Variants in HACD1 observed in about 807,000 individuals in gnomAD.
HACD1 encodes the protein 3-hydroxyacyl-CoA dehydratase 1, also known as very-long-chain (3R)-3-hydroxyacyl-CoA dehydratase 1.
Under a neutral mutation model 32.0 loss-of-function variants are expected in HACD1, and 41 were observed. The observed-to-expected ratio is 1.28, with a 90% CI of 1.00 to 1.66. HACD1 has a LOEUF of 1.66. Among genes scored for constraint, HACD1 ranks in the 40% most tolerant of loss-of-function variants. HACD1 has a pLI of 0.00. For missense variants in HACD1, 396 were observed against 380.1 expected (o/e 1.04, Z -0.35); for synonymous variants, 142 against 139.0 (o/e 1.02, Z -0.15).
chr10:17,590,323 C>G lies in HACD1; in HGVS notation c.*41G>C, dbSNP rs1833912529. On this transcript the variant is annotated 3_prime_UTR_variant, in exon 7 of 7. Coordinates refer to ENST00000361271, the MANE Select transcript of HACD1 (RefSeq NM_014241.4). The stretch of plus-strand genomic sequence containing the variant: ...TTATTAAAACTTGGACTCAGGTAAT[C>G]TTGGTTATTCTGGAAAAAGCACCTT... 4 of 1,401,844 alleles carry G rather than the reference C, an allele frequency of 2.9e-6. No individual in the cohort carries two copies. The East Asian group carries it at 9.5e-5, about 33-fold the overall frequency. The allele number at this position is 1,401,844 out of a possible 1,614,324, so 86.8% of individuals were successfully genotyped here.
At position 17,609,303 on chromosome 10, in the gene HACD1, G is replaced by A. The variant is rs143827697; in HGVS notation, c.258-5256C>T. The stretch of plus-strand genomic sequence containing the variant: ...GTAGTAGCTGAGACTATAGGCGCCC[G>A]CCACCACGCCCGGCTAATTTGTTGT... On this transcript the variant is annotated intron_variant, in intron 1 of 6. Transcript: ENST00000361271. Among the ~76,000 whole-genome samples the A allele has an allele frequency of 1.7e-4, 26 of 151,802 alleles. No individual in the cohort carries two copies. The East Asian group carries it at 4.7e-3, about 27-fold the overall frequency.
At chr10:17,607,363 C>T (rs1293492737) in intron 1 of HACD1, among the ~76,000 whole-genome samples, 1 of 152,204 alleles carries the variant, frequency 6.6e-6, no homozygotes, top group Non-Finnish European at 1.5e-5. Flanking sequence ...CTGGACTGAT[C>T]CTACAGCACT....
At chr10:17,613,071 T>C (rs1285253139) in intron 1 of HACD1, among the ~76,000 whole-genome samples, 6 of 151,854 alleles carry the variant, frequency 4.0e-5, no homozygotes, top group South Asian at 2.1e-4. Context: ...ATTTCTTAAA[T>C]ACTATTCCGT....
chr10:17,607,943 T>G (rs1834171725), intron 1 of HACD1, among the ~76,000 whole-genome samples: 1 of 152,210 alleles, frequency 6.6e-6, no homozygotes, highest in Non-Finnish European at 1.5e-5. Flanking sequence ...TGAACTTCCT[T>G]CATCTATCGG....
chr10:17,617,030 C>G, intron 1 of HACD1, 53 bp downstream of exon 1: 1 of 1,359,510 alleles, frequency 7.4e-7, no homozygotes, highest in Non-Finnish European at 9.4e-7. Context: ...AACCCGGAAC[C>G]TCCGCGGACC....
At chr10:17,607,543 C>T (rs1196033098) in intron 1 of HACD1, among the ~76,000 whole-genome samples, 2 of 152,138 alleles carry the variant, frequency 1.3e-5, no homozygotes, top group Non-Finnish European at 2.9e-5. Flanking sequence ...AATCAGATGT[C>T]CACAAAAGAT....
At chr10:17,599,448 T>C (rs1554816310) in intron 4 of HACD1, 37 bp from the exon 5 acceptor site, 1 of 1,586,192 alleles carries the variant, frequency 6.3e-7, no homozygotes, top group Non-Finnish European at 8.6e-7. Context: ...TCATTCAACC[T>C]AGAACTTACT....
chr10:17,597,320 T>G (rs1834007211), intron 5 of HACD1, among the ~76,000 whole-genome samples: 1 of 152,150 alleles, frequency 6.6e-6, no homozygotes. Context: ...AATTTTTTAG[T>G]AGAGATGGGG....
chr10:17,603,892 A>C, intron 2 of HACD1, 38 bp downstream of exon 2: 4 of 1,525,212 alleles, frequency 2.6e-6, no homozygotes, highest in Non-Finnish European at 3.6e-6. Context: ...TCACATAAAT[A>C]TTACAGCAAT....
chr10:17,617,204 C>G lies in HACD1; in HGVS notation c.136G>C (p.Asp46His). Residue 46 changes from aspartate to histidine, a missense_variant, in exon 1 of 7, where the codon GAC becomes CAC. Asp to His is a moderately conservative substitution (Grantham distance 81). Transcript: ENST00000361271. ...TCCGAGGCGCCGCCGTTGGTGCCGTCCTCGTCGCTGGACGCCATGGTGGCC... is the reference window on the plus strand; with the variant it reads ...TCCGAGGCGCCGCCGTTGGTGCCGTGCTCGTCGCTGGACGCCATGGTGGCC... ...CAATMASSDE[D>H]GTNGGASEAG... The G allele has an allele frequency of 6.7e-7, 1 of 1,499,552 alleles. No homozygotes were observed. The highest frequency in any genetic ancestry group is 8.9e-7 in the Non-Finnish European group (1 of 1,129,832). The allele number at this position is 1,499,552 out of a possible 1,614,324, so 92.9% of individuals were successfully genotyped here.
At position 17,599,385 on chromosome 10, in the gene HACD1, A is replaced by C. The variant is rs782756544; in HGVS notation, c.510T>G (p.Leu170=). Residue 170 remains leucine (L), a synonymous_variant, in exon 5 of 7, where the codon CTT becomes CTG. Coordinates refer to ENST00000361271, the MANE Select transcript of HACD1 (RefSeq NM_014241.4). Reference sequence around the variant, plus strand: ...CTGTCACAGTCCACGCGACCAGAAAAAGCACCACACTCTCTTCATTCTGGA... The same window carrying C: ...CTGTCACAGTCCACGCGACCAGAAACAGCACCACACTCTCTTCATTCTGGA... ...KPIQNEESVV[L]FLVAWTVTEI... 1.9e-6 allele frequency: 3 copies of C among 1,613,656 alleles called. No individual in the cohort carries two copies. The highest frequency in any genetic ancestry group is 1.7e-5 in the Admixed American group (1 of 59,974).
chr10:17,590,578 A>G, intron 6 of HACD1, 132 bp from the exon 7 acceptor site: 1 of 571,492 alleles, frequency 1.7e-6, no homozygotes, highest in Non-Finnish European at 2.9e-6. Context: ...ATATTTACAG[A>G]GCTCAAGACT....
At chr10:17,593,514 C>T (rs1833955851) in intron 6 of HACD1, among the ~76,000 whole-genome samples, 1 of 152,170 alleles carries the variant, frequency 6.6e-6, no homozygotes, top group Admixed American at 6.5e-5. Context: ...AGGGTTTTGC[C>T]ATGTTGGCCA....
chr10:17,600,922 C>T lies in HACD1; in HGVS notation c.484-1511G>A, dbSNP rs74117869. Among the ~76,000 whole-genome samples the T allele has an allele frequency of 8.8e-3, 1,345 of 152,254 alleles. 23 individuals carry two copies. Among genetic ancestry groups the T allele is most frequent in the African/African-American group, 0.03 (1,255 of 41,530 alleles). On this transcript the variant is annotated intron_variant, in intron 4 of 6. Transcript: ENST00000361271. ...TGTTTGTTTTATCAACAGCCATATC[C>T]CAGCACACTGCCGGGCACAGATGAG...
At chr10:17,606,124 T>C (rs1323110329) in intron 1 of HACD1, among the ~76,000 whole-genome samples, 1 of 151,986 alleles carries the variant, frequency 6.6e-6, no homozygotes, top group Non-Finnish European at 1.5e-5. Flanking sequence ...CAGTAAGCTA[T>C]GTTTGTGCCA....
chr10:17,590,551 C>T (rs1833915766), intron 6 of HACD1, 105 bp from the exon 7 acceptor site: 2 of 729,574 alleles, frequency 2.7e-6, no homozygotes, highest in South Asian at 4.1e-5. Context: ...ACATCCCATA[C>T]CACTGCTGTT....
intron 4 of HACD1, among the ~76,000 whole-genome samples, chr10:17,602,155 C>T (rs1393114918): frequency 1.3e-5 from 2 of 151,820 alleles, no homozygotes; most frequent in African/African-American, 4.8e-5. Context: ...CTGCACCCTC[C>T]ACCTCCCAGG....
intron 5 of HACD1, among the ~76,000 whole-genome samples, chr10:17,596,543 A>G (rs1421955924): frequency 2.0e-5 from 3 of 151,264 alleles, no homozygotes; most frequent in African/African-American, 4.8e-5. Context: ...CACTCCTACA[A>G]TAAGCTAGTT....
chr10:17,607,337 G>A (rs1254664000), intron 1 of HACD1, among the ~76,000 whole-genome samples: 3 of 152,126 alleles, frequency 2.0e-5, no homozygotes, highest in Non-Finnish European at 4.4e-5. Flanking sequence ...CATCTCATGT[G>A]AGCGCCAACA....
Sources: allele counts gnomAD v4.1 joint callset (sites outside exome capture counted in the v4.1 genomes callset), GRCh38; gene constraint gnomAD v4.1.1; transcripts MANE v1.5; gene names NCBI Gene and HGNC (gene_info 2026-07-23, HGNC 2026-07-21).